Variants in ELOVL7 observed in about 807,000 individuals in gnomAD.
ELOVL7 encodes very long chain fatty acid elongase 7.
Under a neutral mutation model 35.7 loss-of-function variants are expected in ELOVL7, and 27 were observed. The ratio of observed to expected loss-of-function variants is 0.76; its 90% CI spans 0.56 to 1.04. The LOEUF is 1.04. Among genes scored for constraint, ELOVL7 ranks in the 50% least tolerant of loss-of-function variants. The pLI is 0.00. For synonymous variants in ELOVL7, 113 were observed against 114.6 expected, an observed-to-expected ratio of 0.99 and a Z score of 0.09; for missense variants, 327 against 340.8, an observed-to-expected ratio of 0.96 and a Z score of 0.32.
At chr5:60,805,564 C>A (rs1459497365) in intron 1 of ELOVL7, among the ~76,000 whole-genome samples, 1 of 152,064 alleles carries the variant, frequency 6.6e-6, no homozygotes, top group African/African-American at 2.4e-5. Context: ...GTGGTGGAAT[C>A]CAGGGCTGGG....
intron 1 of ELOVL7, among the ~76,000 whole-genome samples, chr5:60,831,971 G>A (rs1746506822): frequency 6.6e-6 from 1 of 152,040 alleles, no homozygotes; most frequent in South Asian, 2.1e-4. Context: ...AGTAGAATGT[G>A]AATTATATAT....
chr5:60,826,146 AAGGG>A (rs1746159805), intron 1 of ELOVL7, among the ~76,000 whole-genome samples: 1 of 152,246 alleles, frequency 6.6e-6, no homozygotes, highest in Non-Finnish European at 1.5e-5. Flanking sequence ...GTAAGCCAGA[AAGGG>A]AGGAAAAATA....
chr5:60,812,131 G>A (rs922200014), intron 1 of ELOVL7, among the ~76,000 whole-genome samples: 3 of 152,044 alleles, frequency 2.0e-5, no homozygotes, highest in African/African-American at 7.2e-5. Flanking sequence ...GAGGCAAGAG[G>A]ACCACTGAAG....
At chr5:60,816,802 G>T (rs1745542074) in intron 1 of ELOVL7, among the ~76,000 whole-genome samples, 1 of 152,076 alleles carries the variant, frequency 6.6e-6, no homozygotes, top group Non-Finnish European at 1.5e-5. Flanking sequence ...TCAATGGGTA[G>T]CCAACTGGAA....
intron 1 of ELOVL7, among the ~76,000 whole-genome samples, chr5:60,805,835 G>GA (rs1744892911): frequency 6.6e-6 from 1 of 152,138 alleles, no homozygotes. Flanking sequence ...TCATGAAGAG[G>GA]AAAGAGACTG....
chr5:60,833,103 C>T (rs914438624), intron 1 of ELOVL7, among the ~76,000 whole-genome samples: 22 of 152,072 alleles, frequency 1.4e-4, no homozygotes, highest in African/African-American at 5.3e-4. Flanking sequence ...GGGGGGCAAT[C>T]CAAGAGCTTC....
Position 60,765,990 on chromosome 5 carries a change from C to T in ELOVL7, c.393+584G>A, listed in dbSNP as rs1476233527. ...AAATCACAGACGCTAATTTGTGACA[C>T]GTGCTTCTCCCAAGACCCGGTCATC... is the stretch of plus-strand genomic sequence containing the variant. On this transcript the variant is annotated intron_variant, in intron 6 of 8. Transcript: ENST00000508821. 2.6e-5 allele frequency among the ~76,000 whole-genome samples: 4 copies of T among 152,150 alleles called. No individual in the cohort carries two copies. The East Asian group carries it at 5.8e-4, about 22-fold the overall frequency.
intron 2 of ELOVL7, among the ~76,000 whole-genome samples, chr5:60,789,825 C>T (rs1327702410): frequency 6.6e-6 from 1 of 151,980 alleles, no homozygotes; most frequent in African/African-American, 2.4e-5. Context: ...GAAATATTTC[C>T]AAGATAAATC....
chr5:60,825,849 C>T (rs1486585125), intron 1 of ELOVL7, among the ~76,000 whole-genome samples: 1 of 152,142 alleles, frequency 6.6e-6, no homozygotes, highest in Non-Finnish European at 1.5e-5. Flanking sequence ...TGGTCAGTAA[C>T]CAAAAATTAC....
intron 1 of ELOVL7, among the ~76,000 whole-genome samples, chr5:60,833,201 G>C (rs1231810557): frequency 6.6e-6 from 1 of 152,202 alleles, no homozygotes; most frequent in African/African-American, 2.4e-5. Context: ...CTCTAGTTGG[G>C]AGAACTTGTT....
intron 7 of ELOVL7, among the ~76,000 whole-genome samples, chr5:60,759,633 T>G (rs978735859): frequency 6.6e-6 from 1 of 151,284 alleles, no homozygotes; most frequent in Non-Finnish European, 1.5e-5. Flanking sequence ...TTGTCTAAAG[T>G]TTTTTTTATT....
At chr5:60,829,417 T>C (rs918629286) in intron 1 of ELOVL7, among the ~76,000 whole-genome samples, 5 of 152,218 alleles carry the variant, frequency 3.3e-5, no homozygotes, top group African/African-American at 1.2e-4. Flanking sequence ...AGTCAGCATA[T>C]ATTATTAATA....
At chr5:60,772,878 C>T (rs1344247118) in intron 3 of ELOVL7, among the ~76,000 whole-genome samples, 1 of 152,144 alleles carries the variant, frequency 6.6e-6, no homozygotes, top group Non-Finnish European at 1.5e-5. Context: ...GTGTTTGCTG[C>T]TTAATTTTTT....
intron 1 of ELOVL7, among the ~76,000 whole-genome samples, 166 bp downstream of exon 1, chr5:60,843,993 CG>C (rs1160497303): frequency 1.3e-5 from 2 of 152,132 alleles, no homozygotes; most frequent in Non-Finnish European, 2.9e-5. Context: ...GCCCCGCTCC[CG>C]GGGCCCCCGC....
chr5:60,817,696 TAC>T (rs1336245540), intron 1 of ELOVL7, among the ~76,000 whole-genome samples: 9 of 143,964 alleles, frequency 6.3e-5, no homozygotes, highest in African/African-American at 2.0e-4. Flanking sequence ...ACCATATATA[TAC>T]ACACACCATA....
chr5:60,758,902 C>G (rs1165872747), intron 7 of ELOVL7, among the ~76,000 whole-genome samples: 1 of 152,140 alleles, frequency 6.6e-6, no homozygotes, highest in Non-Finnish European at 1.5e-5. Flanking sequence ...AGAAATAAAG[C>G]AAACCCTCAT....
At chr5:60,799,081 A>G (rs775958755) in intron 2 of ELOVL7, 99 bp downstream of exon 2, 7 of 152,246 alleles carry the variant, frequency 4.6e-5, no homozygotes, top group Non-Finnish European at 7.3e-5. Context: ...AAATACATGG[A>G]AAGTAAGCAA....
chr5:60,804,772 T>A (rs1441683347), intron 1 of ELOVL7, among the ~76,000 whole-genome samples: 1 of 152,238 alleles, frequency 6.6e-6, no homozygotes, highest in Non-Finnish European at 1.5e-5. Context: ...AATGCTCCAT[T>A]TCTTAGGCCT....
intron 1 of ELOVL7, among the ~76,000 whole-genome samples, chr5:60,838,962 G>A (rs184249707): frequency 7.3e-5 from 11 of 151,652 alleles, no homozygotes; most frequent in African/African-American, 2.7e-4. Flanking sequence ...GGCAGAGGTT[G>A]CAGTGAGCAG....
Sources: gnomAD v4.1 joint callset for allele counts (sites outside exome capture counted in the v4.1 genomes callset) on GRCh38, gnomAD v4.1.1 for gene constraint, MANE v1.5 for transcripts, NCBI Gene and HGNC (gene_info 2026-07-23, HGNC 2026-07-21) for gene names.